The following GALNT13 variants were observed in gnomAD, a reference collection of about 807,000 sequenced individuals.
GALNT13 encodes the protein UDP-GalNAc:polypeptide N-acetylgalactosaminyltransferase 13.
In GALNT13, 28 loss-of-function variants were observed where a neutral mutation model predicts 64.2. That is an observed-to-expected ratio of 0.44 (90% confidence interval 0.32 to 0.60). The LOEUF is 0.60. GALNT13 is among the 20% of genes least tolerant of loss of function. The pLI is 0.05. For synonymous variants in GALNT13, 214 were observed against 224.6 expected, an observed-to-expected ratio of 0.95 and a Z score of 0.42; for missense variants, 577 against 669.8, an observed-to-expected ratio of 0.86 and a Z score of 1.53.
the GALNT13 span, among the ~76,000 whole-genome samples, chr2:153,074,698 C>T: frequency 1.3e-5 from 2 of 152,160 alleles, no homozygotes; most frequent in African/African-American, 4.8e-5. Flanking sequence ...TTATGTCACA[C>T]ATGACTATAT....
At chr2:154,446,810 A>G in intron 12 of GALNT13, 3 of 1,434,852 alleles carry the variant, frequency 2.1e-6, no homozygotes, top group Middle Eastern at 2.2e-4. Flanking sequence ...CATTTTTGTT[A>G]TGTTCAGTTA....
the GALNT13 span, among the ~76,000 whole-genome samples, chr2:153,504,508 A>G: frequency 6.6e-6 from 1 of 152,060 alleles, no homozygotes; most frequent in South Asian, 2.1e-4. Flanking sequence ...CAGTATAATG[A>G]TGGTTGTGGG....
intron 9 of GALNT13, among the ~76,000 whole-genome samples, chr2:154,387,302 A>ATTTTTTTTTTTTTTTTTTTTTT (rs1698559290): frequency 1.3e-5 from 2 of 152,072 alleles, no homozygotes; most frequent in African/African-American, 4.8e-5. Context: ...AGGCTTATTC[A>ATTTTTTTTTTTTTTTTTTTTTT]TATTTTTAAT....
At chr2:154,096,068 A>T (rs1702059290) in intron 3 of GALNT13, among the ~76,000 whole-genome samples, 1 of 152,036 alleles carries the variant, frequency 6.6e-6, no homozygotes, top group Non-Finnish European at 1.5e-5. Context: ...TATGTATAAT[A>T]AGGATGAATA....
chr2:153,900,030 G>A (rs1279409263), intron 1 of GALNT13, among the ~76,000 whole-genome samples: 1 of 149,430 alleles, frequency 6.7e-6, no homozygotes, highest in Non-Finnish European at 1.5e-5. Context: ...CCGCCTCCTG[G>A]GTTCAAGTGA....
At chr2:153,598,230 T>G in the GALNT13 span, among the ~76,000 whole-genome samples, 1 of 152,114 alleles carries the variant, frequency 6.6e-6, no homozygotes, top group South Asian at 2.1e-4. Flanking sequence ...TCTGCCTAAT[T>G]TCTCCAGTCC....
At chr2:153,636,121 T>A in the GALNT13 span, among the ~76,000 whole-genome samples, 1 of 152,088 alleles carries the variant, frequency 6.6e-6, no homozygotes. Flanking sequence ...ATAAAAAGAT[T>A]TTTTCTGTCT....
chr2:154,355,191 G>C (rs1696668074), intron 9 of GALNT13, among the ~76,000 whole-genome samples: 1 of 152,000 alleles, frequency 6.6e-6, no homozygotes, highest in Admixed American at 6.6e-5. Context: ...ATAGCCTGTA[G>C]ATATTCATAC....
intron 9 of GALNT13, among the ~76,000 whole-genome samples, chr2:154,327,578 G>A (rs1041112455): frequency 2.0e-5 from 3 of 152,016 alleles, no homozygotes; most frequent in African/African-American, 7.2e-5. Context: ...CTTTTATTTG[G>A]ATGGAGTACT....
chr2:153,769,950 T>C, the GALNT13 span, among the ~76,000 whole-genome samples: 1 of 152,336 alleles, frequency 6.6e-6, no homozygotes, highest in South Asian at 2.1e-4. Context: ...GATGTCAATC[T>C]CTTCTTTATA....
chr2:154,147,704 T>C (rs1393692996), intron 4 of GALNT13, among the ~76,000 whole-genome samples: 2 of 151,642 alleles, frequency 1.3e-5, no homozygotes, highest in Non-Finnish European at 2.9e-5. Context: ...AAATACCTAT[T>C]TGTTTGTTTG....
At chr2:153,334,477 A>G in the GALNT13 span, among the ~76,000 whole-genome samples, 1 of 152,216 alleles carries the variant, frequency 6.6e-6, no homozygotes, top group Admixed American at 6.5e-5. Flanking sequence ...AAAGCTAACT[A>G]AAGTTAAGGG....
the GALNT13 span, among the ~76,000 whole-genome samples, chr2:153,129,540 C>T: frequency 1.5e-4 from 23 of 152,038 alleles, no homozygotes; most frequent in Non-Finnish European, 3.1e-4. Flanking sequence ...TTTGGGAGGC[C>T]GAGGTGAGCA....
chr2:153,646,044 T>C, the GALNT13 span, among the ~76,000 whole-genome samples: 18 of 152,110 alleles, frequency 1.2e-4, no homozygotes, highest in African/African-American at 3.9e-4. Flanking sequence ...ATTATTTCTA[T>C]TTTGGTGTAA....
At chr2:153,692,734 T>C in the GALNT13 span, among the ~76,000 whole-genome samples, 22 of 152,338 alleles carry the variant, frequency 1.4e-4, no homozygotes, top group Admixed American at 3.3e-4. Context: ...CACAGCAACC[T>C]TGATCAACTT....
chr2:153,603,739 A>C, the GALNT13 span, among the ~76,000 whole-genome samples: 1 of 152,004 alleles, frequency 6.6e-6, no homozygotes, highest in African/African-American at 2.4e-5. Flanking sequence ...TATTTTGGAC[A>C]ATGCAAGTTC....
the GALNT13 span, among the ~76,000 whole-genome samples, chr2:153,666,634 G>A: frequency 4.1e-4 from 62 of 152,232 alleles, no homozygotes; most frequent in African/African-American, 1.3e-3. Context: ...ACCCTCAGAT[G>A]CATCAAAGAA....
the GALNT13 span, among the ~76,000 whole-genome samples, chr2:153,834,292 A>G: frequency 1.3e-5 from 2 of 152,168 alleles, no homozygotes; most frequent in Non-Finnish European, 2.9e-5. Context: ...GGCCAGGCAG[A>G]TAATATAAAA....
At chr2:153,194,701 C>T in the GALNT13 span, among the ~76,000 whole-genome samples, 1 of 152,146 alleles carries the variant, frequency 6.6e-6, no homozygotes, top group Non-Finnish European at 1.5e-5. Flanking sequence ...ATGTAACACT[C>T]ACTTCTAATT....
Sources: allele counts gnomAD v4.1 joint callset (sites outside exome capture counted in the v4.1 genomes callset), GRCh38; gene constraint gnomAD v4.1.1; transcripts MANE v1.5; gene names NCBI Gene and HGNC (gene_info 2026-07-23, HGNC 2026-07-21).